SUMF1: variants seen among roughly 807,000 people sequenced by gnomAD.
SUMF1 encodes the protein formylglycine-generating enzyme.
SUMF1 carries 48 observed loss-of-function variants against 47.6 expected under a neutral mutation model. The observed-to-expected ratio is 1.01, with a 90% CI of 0.80 to 1.28. The LOEUF (loss-of-function observed/expected upper bound fraction) is 1.28, where lower values mean the gene tolerates loss of function less well. Ranked by LOEUF, SUMF1 falls within the 50% of genes most tolerant of loss-of-function variation. The pLI, the probability that SUMF1 is intolerant of heterozygous loss-of-function variation, is 0.00. For missense variants in SUMF1, 571 were observed against 485.4 expected, an observed-to-expected ratio of 1.18 and a Z score of -1.66; for synonymous variants, 230 against 192.1, an observed-to-expected ratio of 1.20 and a Z score of -1.63.
chr3:4,417,575 A>G (rs1328585317), intron 5 of SUMF1, among the ~76,000 whole-genome samples: 1 of 152,168 alleles, frequency 6.6e-6, no homozygotes, highest in African/African-American at 2.4e-5. Flanking sequence ...ACCACACCAC[A>G]CTTTTTTATA....
At chr3:4,322,367 A>G (rs1437050918) in intron 8 of SUMF1, among the ~76,000 whole-genome samples, 1 of 152,090 alleles carries the variant, frequency 6.6e-6, no homozygotes, top group Non-Finnish European at 1.5e-5. Flanking sequence ...ATAATGTAAT[A>G]TAAATGTACC....
intron 8 of SUMF1, among the ~76,000 whole-genome samples, chr3:4,231,884 T>C (rs1394205087): frequency 6.6e-6 from 1 of 152,130 alleles, no homozygotes; most frequent in Non-Finnish European, 1.5e-5. Context: ...ACTCTCAGAG[T>C]GAACTCATTA....
intron 8 of SUMF1, among the ~76,000 whole-genome samples, chr3:4,178,232 C>A (rs1384388787): frequency 6.6e-6 from 1 of 152,042 alleles, no homozygotes; most frequent in Admixed American, 6.5e-5. Context: ...GGCAGAGACA[C>A]AACAAAAAAA....
intron 8 of SUMF1, chr3:4,303,342 G>C: frequency 6.6e-7 from 1 of 1,524,688 alleles, no homozygotes; most frequent in Non-Finnish European, 8.8e-7. Context: ...AGGACTGTCA[G>C]GGTAGTGGGC....
intron 8 of SUMF1, among the ~76,000 whole-genome samples, chr3:4,159,249 G>T (rs1694520501): frequency 6.8e-6 from 1 of 146,280 alleles, no homozygotes; most frequent in Non-Finnish European, 1.5e-5. Context: ...CTTCCTTTTA[G>T]TGAAGGTGAT....
At chr3:4,110,335 C>T (rs1693265159) in intron 8 of SUMF1, among the ~76,000 whole-genome samples, 2 of 152,066 alleles carry the variant, frequency 1.3e-5, no homozygotes, top group Admixed American at 1.3e-4. Flanking sequence ...TCTGCCACTA[C>T]TGGGGGATGC....
intron 8 of SUMF1, chr3:4,229,294 T>C (rs1192948162): frequency 5.2e-6 from 2 of 386,862 alleles, no homozygotes; most frequent in Admixed American, 6.3e-5. Context: ...AGCAACTAGG[T>C]GTGTATGTTC....
At chr3:4,271,537 C>T (rs1490446372) in intron 8 of SUMF1, among the ~76,000 whole-genome samples, 1 of 151,988 alleles carries the variant, frequency 6.6e-6, no homozygotes, top group African/African-American at 2.4e-5. Context: ...AGGATCTCAA[C>T]ATTGCCCAGG....
intron 8 of SUMF1, among the ~76,000 whole-genome samples, chr3:4,077,987 T>C (rs1270956436): frequency 6.6e-6 from 1 of 152,112 alleles, no homozygotes; most frequent in Non-Finnish European, 1.5e-5. Context: ...ATGGCATTTT[T>C]TTCTTGCTTT....
At chr3:4,218,500 C>T (rs1431277584) in intron 8 of SUMF1, among the ~76,000 whole-genome samples, 1 of 151,910 alleles carries the variant, frequency 6.6e-6, no homozygotes, top group South Asian at 2.1e-4. Context: ...ATGTGTGAAG[C>T]CAAAACAACA....
chr3:4,415,362 C>G (rs1701678423), intron 6 of SUMF1, among the ~76,000 whole-genome samples: 2 of 151,908 alleles, frequency 1.3e-5, no homozygotes, highest in South Asian at 4.2e-4. Flanking sequence ...ATTATGCCAA[C>G]AAAAGAATGG....
intron 8 of SUMF1, among the ~76,000 whole-genome samples, chr3:4,116,436 A>C (rs989211927): frequency 2.1e-5 from 3 of 146,154 alleles, no homozygotes; most frequent in Non-Finnish European, 4.7e-5. Flanking sequence ...CTAAATTTTC[A>C]AAAGAGTTAT....
At chr3:4,466,376 C>T (rs2819556) in intron 1 of SUMF1, among the ~76,000 whole-genome samples, 31,119 of 152,058 alleles carry the variant, frequency 0.2, 3,991 homozygotes, top group Non-Finnish European at 0.3. Context: ...TCCCAAAGTG[C>T]TGGGATTACA....
rs546966178 is a variant in SUMF1, at chr3:4,133,490, G to C, written c.1015-64745C>G. ...TATTGGTCCTCAGTGTGTCTGTGAG[G>C]GTGTTGCTGAAGGAGATTAACATTT... On this transcript the variant is annotated intron_variant and NMD_transcript_variant, in intron 8 of 12. Transcript: ENST00000448413. Among the ~76,000 whole-genome samples, 7 of 152,144 alleles carry C rather than the reference G, an allele frequency of 4.6e-5. No homozygotes were observed. The South Asian group carries it at 1.5e-3, about 32-fold the overall frequency.
intron 8 of SUMF1, among the ~76,000 whole-genome samples, chr3:4,125,468 C>T (rs1331269025): frequency 2.0e-5 from 3 of 152,268 alleles, no homozygotes; most frequent in Admixed American, 6.5e-5. Flanking sequence ...TACATTAACA[C>T]CCATGGGTAC....
intron 9 of SUMF1, among the ~76,000 whole-genome samples, chr3:4,041,510 G>A (rs941444821): frequency 6.6e-6 from 1 of 152,184 alleles, no homozygotes; most frequent in Admixed American, 6.5e-5. Context: ...GAAACTTAGT[G>A]AGTAAGAAGG....
chr3:4,444,791 A>G (rs1702723362), intron 3 of SUMF1, among the ~76,000 whole-genome samples: 1 of 152,250 alleles, frequency 6.6e-6, no homozygotes, highest in South Asian at 2.1e-4. Context: ...GCAGAGGCCT[A>G]GAAACAATGA....
chr3:4,438,827 A>G (rs1314097084), intron 3 of SUMF1, among the ~76,000 whole-genome samples: 2 of 152,146 alleles, frequency 1.3e-5, no homozygotes, highest in African/African-American at 4.8e-5. Context: ...TGTATAGAAT[A>G]TTGCACCCAA....
intron 7 of SUMF1, among the ~76,000 whole-genome samples, chr3:4,382,780 TGAAGCTGGAAAC>T (rs554950590): frequency 0.084 from 12,817 of 152,124 alleles, 731 homozygotes; most frequent in Non-Finnish European, 0.12. Flanking sequence ...GGGACATGGA[TGAAGCTGGAAAC>T]CATCATTCTC....
Sources: gnomAD v4.1 joint callset for allele counts (sites outside exome capture counted in the v4.1 genomes callset) on GRCh38, gnomAD v4.1.1 for gene constraint, MANE v1.5 for transcripts, NCBI Gene and HGNC (gene_info 2026-07-23, HGNC 2026-07-21) for gene names.